The following KIF22 variants were observed in gnomAD, a reference collection of about 807,000 sequenced individuals.
The protein encoded by KIF22 is kinesin-like protein KIF22.
A neutral mutation model predicts 73.0 loss-of-function variants in KIF22; 62 were observed. The observed-to-expected ratio is 0.85, with a 90% CI of 0.69 to 1.05. KIF22 has a LOEUF of 1.05. KIF22 is among the 50% of genes least tolerant of loss of function. The pLI is 0.00. For synonymous variants in KIF22, 411 were observed against 340.1 expected, an observed-to-expected ratio of 1.21 and a Z score of -2.29; for missense variants, 854 against 870.1, an observed-to-expected ratio of 0.98 and a Z score of 0.23.
In KIF22 at chr16:29,805,295, C is replaced by T. The variant is rs1438672068; in HGVS notation, c.1983C>T (p.Arg661=). The stretch of plus-strand genomic sequence containing the variant: ...TCCTGGGTCTCGCCGCCGGCCAGCG[C>T]TGTGGCGCCTCCTGACCGTCGTCTC... ...ANILGLAAGQ[R]CGAS The change falls in exon 14 of 14, where the codon CGC becomes CGT. Residue 661 remains arginine, a synonymous_variant. Coordinates refer to ENST00000160827, the MANE Select transcript of KIF22 (RefSeq NM_007317.3). 4 of 1,613,700 alleles carry T rather than the reference C, an allele frequency of 2.5e-6. No individual in the cohort carries two copies. The highest frequency in any genetic ancestry group is 2.2e-5 in the South Asian group (2 of 91,090).
rs138031306 is a variant in KIF22 at position 29,796,998 on chromosome 16, G to A, written c.176G>A (p.Gly59Glu). 13 of 1,613,944 alleles carry A rather than the reference G, an allele frequency of 8.1e-6. No homozygotes were observed. Among genetic ancestry groups the A allele is most frequent in the East Asian group, 2.2e-5 (1 of 44,894 alleles). Residue 59 changes from glycine (G) to glutamate (E), a missense_variant, in exon 2 of 14, where the codon GGA (glycine) becomes GAA (glutamate). Physicochemically the swap from Gly to Glu is moderately conservative, Grantham distance 98. Transcript: ENST00000160827. ...CGGCCATTTGTGGATGGAACAGCGG[G>A]AGCAAGTGATCCCCCCTGTGTGCGG... is the stretch of plus-strand genomic sequence containing the variant. ...RLRPFVDGTAGASDPPCVRGM... is the reference protein window; with the variant it reads ...RLRPFVDGTAEASDPPCVRGM...
At chr16:29,799,233 C>T in intron 5 of KIF22, 31 bp from the exon 6 acceptor site, 1 of 1,611,234 alleles carries the variant, frequency 6.2e-7, no homozygotes, top group Non-Finnish European at 8.5e-7. Flanking sequence ...GGAGCCTGAG[C>T]TAAGCACGAG....
intron 1 of KIF22, chr16:29,791,071 T>G: frequency 7.2e-7 from 1 of 1,387,074 alleles, no homozygotes; most frequent in East Asian, 2.8e-5. Context: ...TCCAGGCTCT[T>G]GGCTTGAACC....
rs1055605072 is a variant in KIF22, at chr16:29,799,995, G to T, written c.1227G>T (p.Glu409Asp). ...GAGCCCGAGGCCCTGAGGAAGAGGA[G>T]ATCGGGAGCCCTGAGCCCATGGCAG... ...AKRARGPEEE[E>D]IGSPEPMAAP... The change falls in exon 8 of 14, where the codon GAG becomes GAT. Residue 409 changes from glutamate to aspartate, a missense_variant. Physicochemically the swap from Glu to Asp is conservative, Grantham distance 45. This residue lies in a region of KIF22 where 423 missense variants were observed against 365.4 expected (regional missense o/e 1.16). Transcript: ENST00000160827. 3.7e-6 allele frequency: 6 copies of T among 1,613,968 alleles called. No homozygotes were observed. The African/African-American group carries it at 8.0e-5, about 22-fold the overall frequency.
At chr16:29,804,188 G>C (rs1297365235) in intron 11 of KIF22, 123 bp downstream of exon 11, 2 of 770,454 alleles carry the variant, frequency 2.6e-6, no homozygotes, top group African/African-American at 3.4e-5. Context: ...GCTACTAACA[G>C]ACCTCAACTT....
chr16:29,804,675 G>A (rs890091446), intron 11 of KIF22, 139 bp from the exon 12 acceptor site: 7 of 724,902 alleles, frequency 9.7e-6, no homozygotes, highest in African/African-American at 1.7e-5. Context: ...GTGACCTGAG[G>A]GCGGGATTTT....
rs1055238647 is a variant in KIF22 at position 29,796,944 on chromosome 16, C to T, written c.122C>T (p.Pro41Leu). The change falls in exon 2 of 14, where the codon CCA becomes CTA. Residue 41 changes from proline (P) to leucine (L), a missense_variant. Physicochemically the swap from Pro to Leu is moderately conservative, Grantham distance 98. Coordinates refer to ENST00000160827, the MANE Select transcript of KIF22 (RefSeq NM_007317.3). ...ATTGGAGCTACTCGTCGTCCACCTCCAGCTCGCGTAAGGGTGGCTGTGCGA... is the reference window on the plus strand; with the variant it reads ...ATTGGAGCTACTCGTCGTCCACCTCTAGCTCGCGTAAGGGTGGCTGTGCGA... Reference protein sequence around the residue: ...SKIGATRRPPPARVRVAVRLR... With the variant: ...SKIGATRRPPLARVRVAVRLR... 4 of 1,614,190 alleles carry T rather than the reference C, an allele frequency of 2.5e-6. No individual in the cohort carries two copies. The highest frequency in any genetic ancestry group is 2.7e-5 in the African/African-American group (2 of 75,058).
intron 1 of KIF22, among the ~76,000 whole-genome samples, chr16:29,794,876 A>G (rs1226630375): frequency 6.6e-6 from 1 of 152,082 alleles, no homozygotes; most frequent in Non-Finnish European, 1.5e-5. Flanking sequence ...GCGCCCGGCC[A>G]AATTCTCAAA....
At position 29,798,479 on chromosome 16, in the gene KIF22, T is replaced by C; in HGVS notation, c.372T>C (p.Leu124=). The change falls in exon 3 of 14, where the codon CTT becomes CTC. Residue 124 remains leucine (L), a synonymous_variant. Transcript: ENST00000160827. This position sits in a 1 kb window ranked among gnomAD's most constrained non-coding sequence, Gnocchi z 4.1. ...TGGAAGGGCAGAATGCCAGTGTGCT[T>C]GCCTATGGACCCACAGGAGCTGGTG... ...HLLEGQNASV[L]AYGPTGAGKT... 1 of 1,614,148 alleles carries C rather than the reference T, an allele frequency of 6.2e-7. No individual in the cohort carries two copies. Among genetic ancestry groups the C allele is most frequent in the Non-Finnish European group, 8.5e-7 (1 of 1,180,034 alleles).
intron 8 of KIF22, among the ~76,000 whole-genome samples, chr16:29,801,547 T>C (rs1899138471): frequency 1.3e-5 from 2 of 151,998 alleles, no homozygotes; most frequent in Non-Finnish European, 2.9e-5. Context: ...CACCCAGAAA[T>C]GTGCACAGGT....
rs1363782790 is a variant in KIF22, at chr16:29,796,929, C to G, written c.107C>G (p.Thr36Ser). ...TGTCGGCTAAGCAAGATTGGAGCTACTCGTCGTCCACCTCCAGCTCGCGTA... is the reference window on the plus strand; with the variant it reads ...TGTCGGCTAAGCAAGATTGGAGCTAGTCGTCGTCCACCTCCAGCTCGCGTA... The part of the protein sequence containing the change: ...GRCRLSKIGA[T>S]RRPPPARVRV... The change falls in exon 2 of 14, where the codon ACT becomes AGT. Residue 36 changes from threonine (T) to serine (S), a missense_variant. Physicochemically the swap from Thr to Ser is moderately conservative, Grantham distance 58. Around this residue, in one of 3 missense-constraint regions of KIF22, gnomAD observed 186 missense variants for 152.9 expected, o/e 1.22. Coordinates refer to ENST00000160827, the MANE Select transcript of KIF22 (RefSeq NM_007317.3). 2 of 1,614,044 alleles carry G rather than the reference C, an allele frequency of 1.2e-6. No homozygotes were observed. The highest frequency in any genetic ancestry group is 1.7e-5 in the Admixed American group (1 of 60,006).
chr16:29,796,285 A>AAAAAC (rs1491410153), intron 1 of KIF22, among the ~76,000 whole-genome samples: 1 of 122,456 alleles, frequency 8.2e-6, no homozygotes. Context: ...AAAAAAAAAA[A>AAAAAC]CACACACACA....
chr16:29,799,851 G>GCAT (rs1477189635), intron 7 of KIF22, 62 bp from the exon 8 acceptor site: 1 of 1,612,168 alleles, frequency 6.2e-7, no homozygotes, highest in African/African-American at 1.3e-5. Context: ...AAACCACCAA[G>GCAT]CATCAGCACA....
At chr16:29,804,755 C>A in intron 11 of KIF22, 59 bp from the exon 12 acceptor site, 2 of 1,371,918 alleles carry the variant, frequency 1.5e-6, no homozygotes, top group Non-Finnish European at 2.0e-6. Context: ...CTAGTCTTGG[C>A]AGAGGAGCCC....
Position 29,797,869 on chromosome 16 carries a change from T to C in KIF22, c.267-505T>C, listed in dbSNP as rs1414650765. On this transcript the variant is annotated intron_variant, in intron 2 of 13. Coordinates refer to ENST00000160827, the MANE Select transcript of KIF22 (RefSeq NM_007317.3). This position sits in a 1 kb window ranked among gnomAD's most constrained non-coding sequence, Gnocchi z 4.1. ...GAACGCAGTGGATAGGTGATTGGTA[T>C]GTAGAGTCTAGTTCAGTCATAAGCA... Among the ~76,000 whole-genome samples the C allele has an allele frequency of 6.6e-6, 1 of 152,194 alleles. No homozygotes were observed. Among genetic ancestry groups the C allele is most frequent in the African/African-American group, 2.4e-5 (1 of 41,434 alleles).
chr16:29,796,612 G>A lies in KIF22; in HGVS notation c.71-281G>A, dbSNP rs1898958500. ...GCTTGTTAGAAATGCAAAATCTCGG[G>A]CATCACCCCAGGGAGACGGAGACCA... is the stretch of plus-strand genomic sequence containing the variant. On this transcript the variant is annotated intron_variant, in intron 1 of 13. Coordinates refer to ENST00000160827, the MANE Select transcript of KIF22 (RefSeq NM_007317.3). Among the ~76,000 whole-genome samples, 4 of 151,696 alleles carry A rather than the reference G, an allele frequency of 2.6e-5. No individual in the cohort carries two copies. The South Asian group carries it at 6.2e-4, about 24-fold the overall frequency.
Position 29,799,608 on chromosome 16 carries a change from C to T in KIF22, c.991-20C>T, listed in dbSNP as rs1899062704. On this transcript the variant is annotated intron_variant, in intron 6 of 13. Transcript: ENST00000160827. ...GAAGGCTGGGCTTCTGACCCACCCA[C>T]TGCCTGGTCTCACCCTCAGGACTCT... The T allele has an allele frequency of 6.2e-7, 1 of 1,613,842 alleles. No homozygotes were observed. Among genetic ancestry groups the T allele is most frequent in the South Asian group, 1.1e-5 (1 of 91,046 alleles).
intron 5 of KIF22, 40 bp downstream of exon 5, chr16:29,799,224 G>A (rs761249591): frequency 2.1e-5 from 34 of 1,610,982 alleles, no homozygotes; most frequent in Admixed American, 2.0e-4. Context: ...GGAAGCCCAG[G>A]AGCCTGAGCT....
rs145872674 is a variant in KIF22 at position 29,799,693 on chromosome 16, C to T, written c.1056C>T (p.Tyr352=). 7 of 1,613,834 alleles carry T rather than the reference C, an allele frequency of 4.3e-6. No individual in the cohort carries two copies. The South Asian group carries it at 4.4e-5, about 10-fold the overall frequency. Residue 352 remains tyrosine, a synonymous_variant, in exon 7 of 14, where the codon TAC becomes TAT. Transcript: ENST00000160827. ...ACATTGCCCCTGAGAGACGCTTCTA[C>T]CTAGACACAGTCTCCGCACTCAACT... ...IANIAPERRF[Y]LDTVSALNFA... is the part of the protein sequence containing the mutation.
Sources: gnomAD v4.1 joint callset for allele counts (sites outside exome capture counted in the v4.1 genomes callset) on GRCh38, gnomAD v4.1.1 for gene constraint, gnomAD v4.1.1 regional missense constraint, Gnocchi (gnomAD v3.1) non-coding constraint, MANE v1.5 for transcripts, NCBI Gene and HGNC (gene_info 2026-07-23, HGNC 2026-07-21) for gene names.